The following ATP2C1 variants were observed in gnomAD, a reference collection of about 807,000 sequenced individuals.
ATP2C1 encodes ATPase secretory pathway Ca2+ transporting 1.
In ATP2C1, 31 loss-of-function variants were observed where a neutral mutation model predicts 120.5. That is an observed-to-expected ratio of 0.26 (90% CI 0.19 to 0.35). The LOEUF is 0.35. Among genes scored for constraint, ATP2C1 ranks in the 10% least tolerant of loss-of-function variants. The pLI is 1.00. For missense variants in ATP2C1, 731 were observed against 1,107.5 expected, an observed-to-expected ratio of 0.66 and a Z score of 4.83; for synonymous variants, 351 against 358.7, an observed-to-expected ratio of 0.98 and a Z score of 0.24.
At position 130,941,607 on chromosome 3, in the gene ATP2C1, T is replaced by C. The variant is rs931986992; in HGVS notation, c.439T>C (p.Leu147=). 1 of 1,614,008 alleles carries C rather than the reference T, an allele frequency of 6.2e-7. No homozygotes were observed. The highest frequency in any genetic ancestry group is 8.5e-7 in the Non-Finnish European group (1 of 1,179,982). The change falls in exon 8 of 28, where the codon TTG becomes CTG. Residue 147 remains leucine (L), a synonymous_variant. Coordinates refer to ENST00000510168, the MANE Select transcript of ATP2C1 (RefSeq NM_001378687.1). The part of the protein sequence containing the change: ...PECHCVREGK[L]EHTLARDLVP... ...GTGTTACAGTGTGCGTGAAGGAAAA[T>C]TGGAGCATACACTTGCCCGAGACTT...
Position 130,894,640 on chromosome 3 carries a change from CG to C in ATP2C1, c.-125del. 2.5e-6 allele frequency: 4 copies of C among 1,602,276 alleles called. No homozygotes were observed. In the Admixed American group the frequency reaches 5.1e-5, roughly 20 times the overall value. On this transcript the variant is annotated 5_prime_UTR_variant, in exon 2 of 28. The change creates a premature stop within an existing upstream ORF in the 5' untranslated region. Transcript: ENST00000510168. The surrounding 1 kb of genome is among the most constrained non-coding windows in gnomAD (Gnocchi z 4.5). Reference sequence around the variant, plus strand: ...CAGCCGTGGGACGCGTGGCCGGGAGCGGGGGTGACAGCCTGGGATTCCGGGG... The same window carrying C: ...CAGCCGTGGGACGCGTGGCCGGGAGCGGGGTGACAGCCTGGGATTCCGGGG...
chr3:130,985,665 A>T (rs2061974362), intron 20 of ATP2C1, among the ~76,000 whole-genome samples: 1 of 151,894 alleles, frequency 6.6e-6, no homozygotes, highest in African/African-American at 2.4e-5. Flanking sequence ...CACCAAAAAA[A>T]AAAACCAAAT....
rs376557634 is a variant in ATP2C1 at position 131,001,104 on chromosome 3, G to GGA, written c.2630-116_2630-115insGA. The GGA allele has an allele frequency of 8.2e-5, 28 of 340,896 alleles. 2 individuals are homozygous for GGA. Among genetic ancestry groups the GGA allele is most frequent in the Middle Eastern group, 1.1e-3 (1 of 946 alleles). The allele number at this position is 340,896 out of a possible 1,614,324, so 21.1% of individuals were successfully genotyped here. A position where few individuals can be genotyped will look rare whatever the true frequency, so the allele number is the denominator to read the frequency against. ...GGTGACAGAGCAAGACTTCATCTCA[G>GGA]AAAAAAAAAAAAAAAAAAAAAAAGT... On this transcript the variant is annotated intron_variant, in intron 27 of 27. Transcript: ENST00000510168.
chr3:131,016,210 C>A, exon 27 of ATP2C1: 1 of 1,614,168 alleles, frequency 6.2e-7, no homozygotes, highest in Non-Finnish European at 8.5e-7. Context: ...CATCTGGAGA[C>A]AGGACTGCCA....
At chr3:130,987,107 T>TAA (rs756019367) in intron 20 of ATP2C1, among the ~76,000 whole-genome samples, 4 of 137,096 alleles carry the variant, frequency 2.9e-5, no homozygotes, top group Non-Finnish European at 4.8e-5. Flanking sequence ...CTTGGGTAAT[T>TAA]AAAAAAAAAA....
At chr3:130,867,846 G>A (rs1251528311) in intron 1 of ATP2C1, among the ~76,000 whole-genome samples, 1 of 143,834 alleles carries the variant, frequency 7.0e-6, no homozygotes, top group Admixed American at 6.9e-5. Flanking sequence ...AGGAAGCGAG[G>A]AGCGCCTCTT....
At chr3:130,882,662 G>A (rs890745166) in intron 1 of ATP2C1, among the ~76,000 whole-genome samples, 3 of 152,162 alleles carry the variant, frequency 2.0e-5, no homozygotes, top group Non-Finnish European at 4.4e-5. Flanking sequence ...CACATTAATT[G>A]ATTTGCATGT....
At chr3:130,992,406 A>C (rs2062399343) in intron 20 of ATP2C1, among the ~76,000 whole-genome samples, 1 of 152,240 alleles carries the variant, frequency 6.6e-6, no homozygotes, top group Non-Finnish European at 1.5e-5. Context: ...GGTCAGAAAA[A>C]AGGATTAAAT....
chr3:130,887,361 C>T lies in ATP2C1; in HGVS notation c.108+36433C>T, dbSNP rs1277911890. ...CCCATGTTCACTCAAGTCCCTAGGG[C>T]TCTACCATTAGCAGGTGGTGAAGCC... On this transcript the variant is annotated intron_variant, in intron 1 of 26. Transcript: ENST00000504381. Among the ~76,000 whole-genome samples the T allele has an allele frequency of 3.3e-5, 5 of 152,262 alleles. No individual in the cohort carries two copies. The East Asian group carries it at 9.7e-4, about 29-fold the overall frequency.
chr3:130,953,612 C>T (rs2060462382), intron 8 of ATP2C1, among the ~76,000 whole-genome samples: 1 of 152,104 alleles, frequency 6.6e-6, no homozygotes. Context: ...GTACAGCATT[C>T]TACTTTGCAT....
At chr3:130,987,609 G>A (rs1276626013) in intron 20 of ATP2C1, among the ~76,000 whole-genome samples, 2 of 152,238 alleles carry the variant, frequency 1.3e-5, no homozygotes, top group African/African-American at 4.8e-5. Flanking sequence ...GGGATTACAG[G>A]CATAAGCCAC....
chr3:130,889,280 CT>C (rs1377330309), upstream of ATP2C1, among the ~76,000 whole-genome samples: 2 of 152,130 alleles, frequency 1.3e-5, no homozygotes, highest in African/African-American at 4.8e-5. Context: ...TACAGTGGCC[CT>C]ACCAGTAATT....
At chr3:130,980,200 T>C (rs1576974546) in intron 19 of ATP2C1, among the ~76,000 whole-genome samples, 2 of 152,272 alleles carry the variant, frequency 1.3e-5, no homozygotes, top group South Asian at 4.2e-4. Flanking sequence ...CAGAACCTGA[T>C]TGGCCTAGTT....
At chr3:130,877,723 A>G (rs919470785) in intron 1 of ATP2C1, among the ~76,000 whole-genome samples, 11 of 152,170 alleles carry the variant, frequency 7.2e-5, no homozygotes, top group African/African-American at 2.7e-4. Flanking sequence ...TGTGGAAGTC[A>G]GTGTGGCGAT....
chr3:130,956,100 C>A lies in ATP2C1; in HGVS notation c.757-4C>A. The A allele has an allele frequency of 6.2e-7, 1 of 1,600,814 alleles. No individual in the cohort carries two copies. The highest frequency in any genetic ancestry group is 1.3e-5 in the African/African-American group (1 of 74,706). On this transcript the variant is annotated splice_polypyrimidine_tract_variant and splice_region_variant and intron_variant, in intron 10 of 27. Transcript: ENST00000510168. ...GTGGTGACACTCTTCTTCAATTTATCAAGGCACCAAAAACCCCTCTGCAGA... is the reference window on the plus strand; with the variant it reads ...GTGGTGACACTCTTCTTCAATTTATAAAGGCACCAAAAACCCCTCTGCAGA...
In ATP2C1 at chr3:130,931,550, G is replaced by A. The variant is rs182251411; in HGVS notation, c.118-472G>A. Reference sequence around the variant, plus strand: ...GGAGAAACTAATTTTAGAAAATGGCGAAACAACAATGAAAAGGAAAAAGCT... The same window carrying A: ...GGAGAAACTAATTTTAGAAAATGGCAAAACAACAATGAAAAGGAAAAAGCT... On this transcript the variant is annotated intron_variant, in intron 3 of 27. Transcript: ENST00000510168. Among the ~76,000 whole-genome samples, 190 of 152,126 alleles carry A rather than the reference G, an allele frequency of 1.2e-3. 1 individual carries two copies. The highest frequency in any genetic ancestry group is 4.1e-3 in the African/African-American group (170 of 41,518).
At chr3:131,015,318 GACAA>G (rs992772052) in intron 26 of ATP2C1, 4 of 662,354 alleles carry the variant, frequency 6.0e-6, no homozygotes, top group Non-Finnish European at 1.1e-5. Context: ...TGAGTGGAGA[GACAA>G]ACAAAACACA....
intron 1 of ATP2C1, among the ~76,000 whole-genome samples, chr3:130,859,899 A>G (rs1270998690): frequency 6.6e-6 from 1 of 152,146 alleles, no homozygotes; most frequent in East Asian, 2.0e-4. Context: ...ACAAATTCGA[A>G]TGACAAATAT....
At chr3:130,932,282 G>T in intron 4 of ATP2C1, 144 bp downstream of exon 4, 2 of 638,198 alleles carry the variant, frequency 3.1e-6, no homozygotes, top group Non-Finnish European at 2.8e-6. Context: ...TCATTTGTTG[G>T]GGCTTACTGT....
Sources: allele counts gnomAD v4.1 joint callset (sites outside exome capture counted in the v4.1 genomes callset), GRCh38; gene constraint gnomAD v4.1.1; non-coding constraint Gnocchi (gnomAD v3.1); transcripts MANE v1.5; gene names NCBI Gene and HGNC (gene_info 2026-07-23, HGNC 2026-07-21).